Variants in FOXP2 observed in about 807,000 individuals in gnomAD.
FOXP2 encodes forkhead box protein P2.
Under a neutral mutation model 115.8 loss-of-function variants are expected in FOXP2, and 12 were observed. The ratio of observed to expected loss-of-function variants is 0.10; its 90% CI spans 0.07 to 0.17. FOXP2 has a LOEUF of 0.17. Ranked by LOEUF, FOXP2 falls within the 10% of genes least tolerant of loss-of-function variation. FOXP2 has a pLI of 1.00. For synonymous variants in FOXP2, 328 were observed against 297.7 expected, an observed-to-expected ratio of 1.10 and a Z score of -1.05; for missense variants, 629 against 843.5, an observed-to-expected ratio of 0.75 and a Z score of 3.15.
intron 2 of FOXP2, among the ~76,000 whole-genome samples, chr7:114,427,119 C>T (rs994398054): frequency 2.0e-5 from 3 of 151,614 alleles, no homozygotes; most frequent in East Asian, 1.9e-4. Flanking sequence ...TGCTTGCCTG[C>T]GTTAGCTGCA....
chr7:114,504,393 T>C (rs1037502458), intron 2 of FOXP2, among the ~76,000 whole-genome samples: 4 of 151,668 alleles, frequency 2.6e-5, no homozygotes, highest in East Asian at 1.9e-4. Context: ...TGTACTTATG[T>C]AGATTATACT....
chr7:114,339,739 T>G (rs1439751180), intron 2 of FOXP2, among the ~76,000 whole-genome samples: 1 of 151,334 alleles, frequency 6.6e-6, no homozygotes, highest in Non-Finnish European at 1.5e-5. Context: ...TGTGACTGTA[T>G]TTACAAATCC....
intron 3 of FOXP2, chr7:114,613,823 T>C (rs1238180565): frequency 1.3e-5 from 2 of 152,016 alleles, no homozygotes; most frequent in African/African-American, 4.8e-5. Context: ...TGGTCTCCCG[T>C]ACCAAGTAGT....
intron 2 of FOXP2, among the ~76,000 whole-genome samples, chr7:114,462,366 C>CTTTTTTTT (rs1170387045): frequency 3.4e-4 from 30 of 89,290 alleles, no homozygotes; most frequent in South Asian, 1.5e-3. Flanking sequence ...AGCATAATAT[C>CTTTTTTTT]TTTTTTTTTT....
At chr7:114,566,530 A>C (rs1167177021) in intron 3 of FOXP2, among the ~76,000 whole-genome samples, 1 of 152,056 alleles carries the variant, frequency 6.6e-6, no homozygotes, top group Non-Finnish European at 1.5e-5. Context: ...ATTTCTACAC[A>C]CGTGTTTCCC....
intron 2 of FOXP2, among the ~76,000 whole-genome samples, chr7:114,444,108 T>A (rs1215279839): frequency 6.6e-6 from 1 of 152,188 alleles, no homozygotes; most frequent in African/African-American, 2.4e-5. Context: ...CTAAAACATA[T>A]GTCATCTGCC....
chr7:114,190,468 T>C (rs1024156683), intron 1 of FOXP2, among the ~76,000 whole-genome samples: 2 of 152,208 alleles, frequency 1.3e-5, no homozygotes, highest in African/African-American at 2.4e-5. Flanking sequence ...CTGGGACTTA[T>C]GCCAGGGGCT....
intron 1 of FOXP2, among the ~76,000 whole-genome samples, chr7:114,204,520 A>G (rs1288647075): frequency 6.6e-6 from 1 of 152,188 alleles, no homozygotes; most frequent in Non-Finnish European, 1.5e-5. Context: ...TAAGTTATTT[A>G]TGGTCTCTGA....
At chr7:114,142,092 G>A (rs769244350) in intron 1 of FOXP2, among the ~76,000 whole-genome samples, 5 of 151,846 alleles carry the variant, frequency 3.3e-5, no homozygotes, top group Admixed American at 1.3e-4. Context: ...GCAGGATCTC[G>A]GCTCACTGCA....
At chr7:114,380,235 G>A (rs1028791076) in intron 2 of FOXP2, among the ~76,000 whole-genome samples, 7 of 152,210 alleles carry the variant, frequency 4.6e-5, no homozygotes, top group African/African-American at 1.7e-4. Flanking sequence ...TCCCTCAGAA[G>A]TTAGGAATTC....
chr7:114,290,686 A>G (rs967144064), intron 2 of FOXP2, among the ~76,000 whole-genome samples: 6 of 152,180 alleles, frequency 3.9e-5, no homozygotes, highest in East Asian at 3.9e-4. Flanking sequence ...GCAAGACTGC[A>G]AATAGAGGGT....
At position 114,631,524 on chromosome 7, in the gene FOXP2, C is replaced by CCAGCAGCAG; in HGVS notation, c.612_620dup. 11 of 1,553,586 alleles carry CCAGCAGCAG rather than the reference C, an allele frequency of 7.1e-6. No individual in the cohort carries two copies. The highest frequency in any genetic ancestry group is 3.5e-5 in the South Asian group (3 of 84,602). The stretch of plus-strand genomic sequence containing the variant: ...GTTTACTGGTTTGGGTTTTCTGATA[C>CCAGCAGCAG]CAGCAGCAGCAGCAGCAGCAGCAGC... On this transcript the variant is annotated splice_region_variant and splice_polypyrimidine_tract_variant and intron_variant, in intron 5 of 16. Coordinates refer to ENST00000350908, the MANE Select transcript of FOXP2 (RefSeq NM_014491.4).
chr7:114,201,551 G>GA (rs1794067290), intron 1 of FOXP2, among the ~76,000 whole-genome samples: 1 of 152,132 alleles, frequency 6.6e-6, no homozygotes, highest in Non-Finnish European at 1.5e-5. Context: ...TCATTTTACT[G>GA]ATATATTTTT....
chr7:114,258,946 C>G (rs1795683951), intron 1 of FOXP2, among the ~76,000 whole-genome samples: 1 of 152,058 alleles, frequency 6.6e-6, no homozygotes, highest in African/African-American at 2.4e-5. Context: ...GATGTGGTTT[C>G]CACTTGTAGA....
At chr7:114,552,944 G>T (rs889741047) in intron 3 of FOXP2, among the ~76,000 whole-genome samples, 21 of 152,132 alleles carry the variant, frequency 1.4e-4, no homozygotes, top group Non-Finnish European at 2.8e-4. Context: ...TAACCAGTCT[G>T]TTCTTGGTAA....
intron 2 of FOXP2, among the ~76,000 whole-genome samples, chr7:114,323,679 G>T (rs1429888043): frequency 6.6e-6 from 1 of 151,900 alleles, no homozygotes; most frequent in Non-Finnish European, 1.5e-5. Flanking sequence ...GAAAATAATT[G>T]CATTTAAGTA....
chr7:114,306,228 A>G (rs909752995), intron 2 of FOXP2, among the ~76,000 whole-genome samples: 8 of 152,194 alleles, frequency 5.3e-5, no homozygotes, highest in Admixed American at 6.6e-5. Context: ...AGCAGAAGAC[A>G]TGAAACTCTT....
chr7:114,332,902 A>G (rs1014524598), intron 2 of FOXP2, among the ~76,000 whole-genome samples: 16 of 152,194 alleles, frequency 1.1e-4, no homozygotes, highest in African/African-American at 2.7e-4. Context: ...GAAAACTTCA[A>G]AAGTTTTCTG....
At chr7:114,593,593 A>T (rs1205326973) in intron 3 of FOXP2, among the ~76,000 whole-genome samples, 3 of 152,000 alleles carry the variant, frequency 2.0e-5, no homozygotes, top group African/African-American at 7.2e-5. Context: ...CACTATTTGT[A>T]TGTCTCTATG....
Sources: allele counts gnomAD v4.1 joint callset (sites outside exome capture counted in the v4.1 genomes callset), GRCh38; gene constraint gnomAD v4.1.1; transcripts MANE v1.5; gene names NCBI Gene and HGNC (gene_info 2026-07-23, HGNC 2026-07-21).